The following DLG2 variants were observed in gnomAD, a reference collection of about 807,000 sequenced individuals.
The protein encoded by DLG2 is discs large MAGUK scaffold protein 2.
In DLG2, 45 loss-of-function variants were observed where a neutral mutation model predicts 132.5. The ratio of observed to expected loss-of-function variants is 0.34; its 90% CI spans 0.27 to 0.44. The LOEUF (loss-of-function observed/expected upper bound fraction) is 0.44. Ranked by LOEUF, DLG2 falls within the 20% of genes least tolerant of loss-of-function variation. The pLI is 1.00. For missense variants in DLG2, 1,045 were observed against 1,196.9 expected, an observed-to-expected ratio of 0.87 and a Z score of 1.87; for synonymous variants, 424 against 419.6, an observed-to-expected ratio of 1.01 and a Z score of -0.13.
intron 10 of DLG2, among the ~76,000 whole-genome samples, chr11:84,096,372 C>T (rs961411308): frequency 6.6e-5 from 10 of 152,234 alleles, no homozygotes; most frequent in Middle Eastern, 3.4e-3. Flanking sequence ...TTTTCAACTA[C>T]GAATGAATGA....
intron 16 of DLG2, among the ~76,000 whole-genome samples, chr11:83,851,197 T>G (rs1250397151): frequency 6.6e-6 from 1 of 151,722 alleles, no homozygotes; most frequent in Non-Finnish European, 1.5e-5. Flanking sequence ...AAAAAGAATT[T>G]TTGAAGTCCT....
intron 6 of DLG2, among the ~76,000 whole-genome samples, chr11:84,682,708 C>T (rs2099734577): frequency 6.6e-6 from 1 of 152,192 alleles, no homozygotes; most frequent in African/African-American, 2.4e-5. Flanking sequence ...GACTCAGCCC[C>T]AGCTCAGTTT....
intron 3 of DLG2, among the ~76,000 whole-genome samples, chr11:85,558,834 G>A (rs992004377): frequency 1.3e-5 from 2 of 151,760 alleles, no homozygotes; most frequent in Admixed American, 6.6e-5. Context: ...TAACTACTGG[G>A]TACTATGCCC....
intron 19 of DLG2, among the ~76,000 whole-genome samples, chr11:83,623,562 A>G (rs1425237796): frequency 1.3e-5 from 2 of 152,226 alleles, no homozygotes; most frequent in Admixed American, 6.5e-5. Flanking sequence ...AGCCTGGAGG[A>G]GAGCTGTTCT....
chr11:85,207,666 A>G (rs568696050), intron 4 of DLG2, among the ~76,000 whole-genome samples: 3 of 152,242 alleles, frequency 2.0e-5, no homozygotes, highest in Non-Finnish European at 2.9e-5. Context: ...ATTTTGAAAG[A>G]AATATGAAAA....
chr11:84,014,283 C>G (rs1420647286), intron 11 of DLG2, among the ~76,000 whole-genome samples: 3 of 152,198 alleles, frequency 2.0e-5, no homozygotes, highest in East Asian at 3.9e-4. Flanking sequence ...TTAAAACATG[C>G]TATTAATGTG....
At chr11:84,913,635 C>T (rs1350379361) in intron 6 of DLG2, among the ~76,000 whole-genome samples, 2 of 151,962 alleles carry the variant, frequency 1.3e-5, no homozygotes, top group Non-Finnish European at 2.9e-5. Flanking sequence ...CATCTTAATC[C>T]AATAGACATG....
At chr11:85,067,497 C>T (rs896489308) in intron 6 of DLG2, among the ~76,000 whole-genome samples, 3 of 151,728 alleles carry the variant, frequency 2.0e-5, no homozygotes, top group African/African-American at 7.3e-5. Context: ...TATAAATTTC[C>T]CTCTACACAC....
chr11:84,039,313 C>T (rs1310701754), intron 11 of DLG2, among the ~76,000 whole-genome samples: 1 of 150,260 alleles, frequency 6.7e-6, no homozygotes, highest in Non-Finnish European at 1.5e-5. Context: ...TGGTGCGCTG[C>T]ACCCACTAAC....
intron 4 of DLG2, among the ~76,000 whole-genome samples, chr11:85,249,091 T>G (rs1206063571): frequency 6.6e-6 from 1 of 152,128 alleles, no homozygotes; most frequent in East Asian, 1.9e-4. Context: ...ATGTTGAAAA[T>G]AAACTATGCT....
At chr11:83,870,669 A>AT (rs1443857436) in intron 16 of DLG2, among the ~76,000 whole-genome samples, 1 of 152,004 alleles carries the variant, frequency 6.6e-6, no homozygotes, top group African/African-American at 2.4e-5. Context: ...GAGTGATTCA[A>AT]TTTTTTCTGA....
intron 6 of DLG2, among the ~76,000 whole-genome samples, chr11:84,698,910 G>A (rs559207476): frequency 9.2e-5 from 14 of 151,582 alleles, no homozygotes; most frequent in African/African-American, 2.7e-4. Flanking sequence ...CTCTTCATAT[G>A]TATAGTATGA....
chr11:84,668,422 A>G (rs939149804), intron 6 of DLG2, among the ~76,000 whole-genome samples: 8 of 152,170 alleles, frequency 5.3e-5, no homozygotes, highest in Non-Finnish European at 1.2e-4. Context: ...ATCAAATAGA[A>G]GGTAACCAGC....
chr11:85,457,235 A>C (rs2092452814), intron 3 of DLG2, among the ~76,000 whole-genome samples: 1 of 148,634 alleles, frequency 6.7e-6, no homozygotes, highest in Non-Finnish European at 1.5e-5. Flanking sequence ...TTTGTCTGAA[A>C]TTAGGACGTC....
chr11:84,811,832 T>C (rs1029668474), intron 6 of DLG2, among the ~76,000 whole-genome samples: 1 of 152,158 alleles, frequency 6.6e-6, no homozygotes, highest in Non-Finnish European at 1.5e-5. Flanking sequence ...TCAGAATCTA[T>C]TAGAGAGGCA....
At chr11:85,151,766 C>T (rs1354120274) in intron 5 of DLG2, among the ~76,000 whole-genome samples, 1 of 152,160 alleles carries the variant, frequency 6.6e-6, no homozygotes, top group Non-Finnish European at 1.5e-5. Flanking sequence ...TATGCCAGTA[C>T]CACACCATCT....
At chr11:85,092,062 A>G (rs1594034046) in intron 6 of DLG2, among the ~76,000 whole-genome samples, 2 of 152,364 alleles carry the variant, frequency 1.3e-5, no homozygotes, top group East Asian at 1.9e-4. Flanking sequence ...TTTTTAAATA[A>G]TAAGACTTGA....
intron 6 of DLG2, among the ~76,000 whole-genome samples, chr11:84,906,195 T>TA (rs780456419): frequency 1.3e-5 from 2 of 151,418 alleles, no homozygotes; most frequent in African/African-American, 2.4e-5. Flanking sequence ...CTTTTTTTTT[T>TA]ATCTTTATCT....
intron 6 of DLG2, among the ~76,000 whole-genome samples, chr11:84,947,491 T>C (rs1416823989): frequency 6.6e-6 from 1 of 152,192 alleles, no homozygotes; most frequent in Non-Finnish European, 1.5e-5. Flanking sequence ...CACTTATAGT[T>C]AGGCTGCCTC....
Sources: allele counts gnomAD v4.1 joint callset (sites outside exome capture counted in the v4.1 genomes callset), GRCh38; gene constraint gnomAD v4.1.1; transcripts MANE v1.5; gene names NCBI Gene and HGNC (gene_info 2026-07-23, HGNC 2026-07-21).